The following CLDN12 variants were observed in gnomAD, a reference collection of about 807,000 sequenced individuals.
CLDN12 encodes claudin-12.
A neutral mutation model predicts 15.5 loss-of-function variants in CLDN12; 9 were observed. The observed-to-expected ratio is 0.58, with a 90% CI of 0.35 to 1.02. The LOEUF (loss-of-function observed/expected upper bound fraction) is 1.02, where lower values mean the gene tolerates loss of function less well. Ranked by LOEUF, CLDN12 falls within the 50% of genes least tolerant of loss-of-function variation. The probability of loss-of-function intolerance (pLI) is 0.02; values close to 1 mark genes in which losing one functional copy is unlikely to be tolerated. For synonymous variants in CLDN12, 140 were observed against 121.6 expected, an observed-to-expected ratio of 1.15 and a Z score of -1.00; for missense variants, 233 against 297.3, an observed-to-expected ratio of 0.78 and a Z score of 1.59.
chr7:90,403,620 C>G (rs541979822), intron 1 of CLDN12, 71 bp downstream of exon 1: 1 of 152,270 alleles, frequency 6.6e-6, no homozygotes, highest in African/African-American at 2.4e-5. Context: ...TGTAAAATGG[C>G]TAAATCCAGG....
At chr7:90,410,794 C>T (rs1356420967) in intron 2 of CLDN12, among the ~76,000 whole-genome samples, 1 of 151,958 alleles carries the variant, frequency 6.6e-6, no homozygotes, top group Non-Finnish European at 1.5e-5. Context: ...CCCAGGAGTT[C>T]GAGACCAGCC....
chr7:90,412,563 T>G (rs1328229281), intron 3 of CLDN12, 81 bp from the exon 4 acceptor site: 7 of 1,079,800 alleles, frequency 6.5e-6, no homozygotes, highest in Non-Finnish European at 8.1e-6. Context: ...TCATTAGATG[T>G]GTTGCCAGTT....
chr7:90,407,851 G>A (rs931027787), intron 2 of CLDN12, among the ~76,000 whole-genome samples: 1 of 152,200 alleles, frequency 6.6e-6, no homozygotes, highest in Non-Finnish European at 1.5e-5. Context: ...AAATCAGAAA[G>A]TGGAAAATTT....
At position 90,414,275 on chromosome 7, in the gene CLDN12, A is replaced by G. The variant is rs921635723; in HGVS notation, c.*864A>G. 7.0e-6 allele frequency: 7 copies of G among 1,000,144 alleles called. No individual in the cohort carries two copies. In the African/African-American group the frequency reaches 1.0e-4, roughly 15 times the overall value. The allele number at this position is 1,000,144 out of a possible 1,614,324, so 62.0% of individuals were successfully genotyped here. A position where few individuals can be genotyped will look rare whatever the true frequency, so the allele number is the denominator to read the frequency against. On this transcript the variant is annotated 3_prime_UTR_variant, in exon 4 of 4. Transcript: ENST00000496677. ...AGACATAATTTAGTAGGGGACAAGA[A>G]GTCTGTTCTTCAGTGAGTACACTAG...
chr7:90,404,125 C>G (rs985989534), intron 1 of CLDN12, among the ~76,000 whole-genome samples: 1 of 151,842 alleles, frequency 6.6e-6, no homozygotes, highest in Non-Finnish European at 1.5e-5. Context: ...TGTAAGGGGC[C>G]CATAGCCACG....
rs563004910 is a variant in CLDN12, at chr7:90,412,764, C to T, written c.88C>T (p.Leu30Phe). ...AGCAGGCCTCTTTGCAGGGACTCTG[C>T]TTCCCAACTGGAGAAAATTACGATT... is the stretch of plus-strand genomic sequence containing the variant. ...SVAGLFAGTL[L>F]PNWRKLRLIT... is the part of the protein sequence containing the mutation. Residue 30 changes from leucine to phenylalanine, a missense_variant, in exon 4 of 4, where the codon CTT (leucine) becomes TTT (phenylalanine). Coordinates refer to ENST00000496677, the MANE Select transcript of CLDN12 (RefSeq NM_001185072.3). 3 of 1,614,230 alleles carry T rather than the reference C, an allele frequency of 1.9e-6. No individual in the cohort carries two copies. Among genetic ancestry groups the T allele is most frequent in the East Asian group, 2.2e-5 (1 of 44,880 alleles).
chr7:90,411,763 G>A (rs1364358955), intron 2 of CLDN12, among the ~76,000 whole-genome samples: 2 of 152,128 alleles, frequency 1.3e-5, no homozygotes, highest in Admixed American at 1.3e-4. Flanking sequence ...TTCCTAGTGT[G>A]CCTAGTACAT....
intron 2 of CLDN12, among the ~76,000 whole-genome samples, chr7:90,410,473 A>G (rs1796936348): frequency 6.6e-6 from 1 of 152,216 alleles, no homozygotes. Flanking sequence ...ACATTTATAT[A>G]TGCTATTTGT....
At chr7:90,412,617 T>A (rs1420340167) in intron 3 of CLDN12, 27 bp from the exon 4 acceptor site, 2 of 1,553,946 alleles carry the variant, frequency 1.3e-6, no homozygotes, top group Non-Finnish European at 8.7e-7. Flanking sequence ...CCCCTCATGA[T>A]TTGTCCTCTT....
At position 90,414,555 on chromosome 7, in the gene CLDN12, G is replaced by A. The variant is rs11563542; in HGVS notation, c.*1144G>A. 0.037 allele frequency: 9,501 copies of A among 259,038 alleles called. 190 individuals are homozygous for A. Among genetic ancestry groups the A allele is most frequent in the Middle Eastern group, 0.053 (26 of 492 alleles). The allele number at this position is 259,038 out of a possible 1,614,324, so 16.0% of individuals were successfully genotyped here. A position where few individuals can be genotyped will look rare whatever the true frequency, so the allele number is the denominator to read the frequency against. ...GGCAGTTGGGGAATAATCTGACTTC[G>A]TTGGCAGTTGGCCTTAACTTCTTAA... On this transcript the variant is annotated 3_prime_UTR_variant, in exon 4 of 4. Coordinates refer to ENST00000496677, the MANE Select transcript of CLDN12 (RefSeq NM_001185072.3).
chr7:90,414,487 C>T lies in CLDN12; in HGVS notation c.*1076C>T. 1.4e-6 allele frequency: 1 copy of T among 734,080 alleles called. No homozygotes were observed. Among genetic ancestry groups the T allele is most frequent in the South Asian group, 6.2e-5 (1 of 16,052 alleles). 45.5% of individuals were successfully genotyped at this position (734,080 alleles called of 1,614,324 possible). ...ACATGAAAAGTATGAGATCTGGTTC[C>T]ATCCAGTAAGACATTTTAATAGAGA... is the stretch of plus-strand genomic sequence containing the variant. On this transcript the variant is annotated 3_prime_UTR_variant, in exon 4 of 4. Transcript: ENST00000496677.
chr7:90,405,883 T>A (rs1171135720), intron 2 of CLDN12: 1 of 152,238 alleles, frequency 6.6e-6, no homozygotes, highest in Non-Finnish European at 1.5e-5. Flanking sequence ...AAGGATCCCT[T>A]GAGCCCAGGA....
intron 2 of CLDN12, among the ~76,000 whole-genome samples, chr7:90,407,654 A>G (rs762871372): frequency 1.3e-5 from 2 of 152,254 alleles, no homozygotes; most frequent in African/African-American, 2.4e-5. Flanking sequence ...ACAAGGAGTT[A>G]TAAGAATGAT....
intron 1 of CLDN12, chr7:90,403,829 T>G (rs911383113): frequency 1.3e-5 from 2 of 152,278 alleles, no homozygotes; most frequent in Non-Finnish European, 1.5e-5. Flanking sequence ...AATAACCAGC[T>G]GATGCTGGTT....
chr7:90,407,096 C>T (rs1430687319), intron 2 of CLDN12, among the ~76,000 whole-genome samples: 2 of 152,018 alleles, frequency 1.3e-5, no homozygotes, highest in Non-Finnish European at 2.9e-5. Context: ...CTCGGGGTTT[C>T]ACCATATTGG....
chr7:90,414,382 AT>A lies in CLDN12; in HGVS notation c.*973del. On this transcript the variant is annotated 3_prime_UTR_variant, in exon 4 of 4. Coordinates refer to ENST00000496677, the MANE Select transcript of CLDN12 (RefSeq NM_001185072.3). ...CATAACCTTGATTCATTCACCCTTG[AT>A]TCATTTCTCGCCCCCGTCACTGATT... 1.0e-6 allele frequency: 1 copy of A among 1,000,214 alleles called. No individual in the cohort carries two copies. The allele number at this position is 1,000,214 out of a possible 1,614,324, so 62.0% of individuals were successfully genotyped here.
chr7:90,406,734 C>T (rs1796844445), intron 2 of CLDN12, among the ~76,000 whole-genome samples: 1 of 152,096 alleles, frequency 6.6e-6, no homozygotes, highest in African/African-American at 2.4e-5. Context: ...CTTTGGTCTC[C>T]TGGACAACAA....
At chr7:90,410,291 G>T (rs1378037390) in intron 2 of CLDN12, among the ~76,000 whole-genome samples, 1 of 151,844 alleles carries the variant, frequency 6.6e-6, no homozygotes, top group Non-Finnish European at 1.5e-5. Context: ...ACTGTAATTA[G>T]TCTCTCCCTT....
In CLDN12 at chr7:90,404,358, G is replaced by A. The variant is rs569657504; in HGVS notation, c.-167+809G>A. Among the ~76,000 whole-genome samples the A allele has an allele frequency of 3.3e-5, 5 of 152,106 alleles. No homozygotes were observed. The East Asian group carries it at 5.8e-4, about 18-fold the overall frequency. ...GCATTCTACATAATGATCGTAATAGGGCTAGTGATGAACGCCTCAATCCAG... is the reference window on the plus strand; with the variant it reads ...GCATTCTACATAATGATCGTAATAGAGCTAGTGATGAACGCCTCAATCCAG... On this transcript the variant is annotated intron_variant, in intron 1 of 3. Transcript: ENST00000496677.
Sources: gnomAD v4.1 joint callset for allele counts (sites outside exome capture counted in the v4.1 genomes callset) on GRCh38, gnomAD v4.1.1 for gene constraint, MANE v1.5 for transcripts, NCBI Gene and HGNC (gene_info 2026-07-23, HGNC 2026-07-21) for gene names.